VTI1A: variants seen among roughly 807,000 people sequenced by gnomAD.
The protein encoded by VTI1A is vesicle transport through interaction with t-SNAREs homolog 1A.
Under a neutral mutation model 34.9 loss-of-function variants are expected in VTI1A, and 22 were observed. The observed-to-expected ratio is 0.63, with a 90% confidence interval of 0.45 to 0.90. The LOEUF is 0.90. VTI1A is among the 40% of genes least tolerant of loss of function. The pLI, the probability that VTI1A is intolerant of heterozygous loss-of-function variation, is 0.00. For synonymous variants in VTI1A, 87 were observed against 97.3 expected (o/e 0.89, Z 0.62); for missense variants, 268 against 275.6 (o/e 0.97, Z 0.20).
At chr10:112,805,997 G>A (rs757454461) in intron 7 of VTI1A, among the ~76,000 whole-genome samples, 13 of 152,170 alleles carry the variant, frequency 8.5e-5, no homozygotes, top group Non-Finnish European at 1.8e-4. Flanking sequence ...TTCCTGTTGA[G>A]CTAAGTATTA....
intron 7 of VTI1A, among the ~76,000 whole-genome samples, chr10:112,673,899 C>T (rs1172767498): frequency 6.6e-6 from 1 of 152,106 alleles, no homozygotes; most frequent in East Asian, 1.9e-4. Context: ...TTTATTCTTA[C>T]ATATGCCATG....
chr10:112,640,989 A>T (rs1040034600), intron 5 of VTI1A, among the ~76,000 whole-genome samples: 3 of 152,142 alleles, frequency 2.0e-5, no homozygotes, highest in African/African-American at 7.2e-5. Context: ...GCATATTCAG[A>T]TTGGCTGTTT....
At chr10:112,740,139 C>T (rs975797356) in intron 7 of VTI1A, among the ~76,000 whole-genome samples, 17 of 152,114 alleles carry the variant, frequency 1.1e-4, no homozygotes, top group African/African-American at 1.9e-4. Context: ...TGCAAGCCTC[C>T]GAGCCATCAT....
At chr10:112,690,106 T>G (rs1236556650) in intron 7 of VTI1A, among the ~76,000 whole-genome samples, 1 of 151,970 alleles carries the variant, frequency 6.6e-6, no homozygotes, top group Non-Finnish European at 1.5e-5. Flanking sequence ...TTCATTCCTT[T>G]TAATTGCTGA....
chr10:112,782,415 G>T (rs539794509), intron 7 of VTI1A, among the ~76,000 whole-genome samples: 4 of 152,374 alleles, frequency 2.6e-5, no homozygotes, highest in African/African-American at 9.6e-5. Context: ...CGGCGTGGAA[G>T]CGCATGCTCT....
chr10:112,459,354 C>T lies in VTI1A; in HGVS notation c.95-1170C>T, dbSNP rs564797784. 1.6e-4 allele frequency among the ~76,000 whole-genome samples: 24 copies of T among 152,306 alleles called. 1 individual carries two copies. The South Asian group carries it at 3.9e-3, about 25-fold the overall frequency. On this transcript the variant is annotated intron_variant, in intron 1 of 7. Transcript: ENST00000393077. The stretch of plus-strand genomic sequence containing the variant: ...TGGATGCTAGCAGCGCTTCTAGGCT[C>T]ATTTTTTCGTTACCAGGAGAAAGGA...
intron 5 of VTI1A, among the ~76,000 whole-genome samples, chr10:112,573,634 A>G (rs1239979674): frequency 6.6e-6 from 1 of 152,196 alleles, no homozygotes; most frequent in East Asian, 1.9e-4. Context: ...TTCACTGTCT[A>G]TGGCTTTAGG....
intron 3 of VTI1A, among the ~76,000 whole-genome samples, chr10:112,503,227 A>T (rs1849305761): frequency 2.0e-5 from 3 of 152,030 alleles, no homozygotes; most frequent in Admixed American, 2.0e-4. Context: ...GTCTTACTGT[A>T]TATTTGTACC....
At chr10:112,512,680 C>T (rs983423404) in intron 3 of VTI1A, among the ~76,000 whole-genome samples, 5 of 152,028 alleles carry the variant, frequency 3.3e-5, no homozygotes, top group Non-Finnish European at 7.4e-5. Flanking sequence ...AGTTTGGAGT[C>T]TTGTGTTTAG....
chr10:112,524,494 A>T (rs2134215645), intron 3 of VTI1A, among the ~76,000 whole-genome samples: 1 of 152,250 alleles, frequency 6.6e-6, no homozygotes, highest in East Asian at 1.9e-4. Context: ...AGTTTTTACC[A>T]TCCCAATGGT....
intron 2 of VTI1A, among the ~76,000 whole-genome samples, chr10:112,463,170 C>G (rs1345264142): frequency 6.6e-6 from 1 of 152,150 alleles, no homozygotes; most frequent in Non-Finnish European, 1.5e-5. Context: ...GGTGATCTAC[C>G]TGCCTCGGCC....
intron 4 of VTI1A, among the ~76,000 whole-genome samples, chr10:112,535,334 A>G (rs962647867): frequency 3.9e-5 from 6 of 152,206 alleles, no homozygotes; most frequent in African/African-American, 1.4e-4. Context: ...CTGCATTGGT[A>G]TATGGCTTGC....
intron 7 of VTI1A, among the ~76,000 whole-genome samples, chr10:112,713,814 G>C (rs1263575599): frequency 6.6e-6 from 1 of 152,178 alleles, no homozygotes; most frequent in Non-Finnish European, 1.5e-5. Flanking sequence ...ACCAGGTCCT[G>C]TTACATAAAG....
At chr10:112,545,460 G>C (rs963286543) in intron 5 of VTI1A, among the ~76,000 whole-genome samples, 31 of 152,158 alleles carry the variant, frequency 2.0e-4, no homozygotes, top group Non-Finnish European at 4.3e-4. Context: ...AAATATATTT[G>C]TTAATTATCT....
intron 5 of VTI1A, among the ~76,000 whole-genome samples, chr10:112,624,995 G>A (rs1845868180): frequency 1.3e-5 from 2 of 152,174 alleles, no homozygotes; most frequent in Admixed American, 6.5e-5. Context: ...CTACTCAAGA[G>A]GCTGAGGCAG....
downstream of VTI1A, among the ~76,000 whole-genome samples, chr10:112,821,198 G>A (rs557934749): frequency 6.6e-6 from 1 of 152,308 alleles, no homozygotes; most frequent in East Asian, 1.9e-4. Context: ...TCCAAACAAG[G>A]CCCTTTGGCG....
chr10:112,794,964 G>C (rs909082353), intron 7 of VTI1A, among the ~76,000 whole-genome samples: 3 of 152,104 alleles, frequency 2.0e-5, no homozygotes, highest in African/African-American at 7.2e-5. Flanking sequence ...ATATTCCTTT[G>C]AGGAGGACAT....
At chr10:112,549,233 A>G (rs1851253609) in intron 5 of VTI1A, among the ~76,000 whole-genome samples, 1 of 151,742 alleles carries the variant, frequency 6.6e-6, no homozygotes, top group Admixed American at 6.6e-5. Flanking sequence ...CCTATTGGTG[A>G]AAGTGGTATA....
intron 7 of VTI1A, among the ~76,000 whole-genome samples, chr10:112,755,889 C>G (rs1171198423): frequency 6.6e-6 from 1 of 152,072 alleles, no homozygotes; most frequent in Non-Finnish European, 1.5e-5. Context: ...GACTTGCATA[C>G]CAGGGTCAGA....
Sources: allele counts gnomAD v4.1 joint callset (sites outside exome capture counted in the v4.1 genomes callset), GRCh38; gene constraint gnomAD v4.1.1; transcripts MANE v1.5; gene names NCBI Gene and HGNC (gene_info 2026-07-23, HGNC 2026-07-21).